Variants in NCK2 observed in about 807,000 individuals in gnomAD.
NCK2 encodes cytoplasmic protein NCK2.
Under a neutral mutation model 33.9 loss-of-function variants are expected in NCK2, and 16 were observed. The ratio of observed to expected loss-of-function variants is 0.47; its 90% confidence interval spans 0.32 to 0.72. The LOEUF (loss-of-function observed/expected upper bound fraction) is 0.72. NCK2 is among the 30% of genes least tolerant of loss of function. The pLI is 0.03. For synonymous variants in NCK2, 273 were observed against 239.9 expected, an observed-to-expected ratio of 1.14 and a Z score of -1.27; for missense variants, 418 against 537.3, an observed-to-expected ratio of 0.78 and a Z score of 2.19.
At chr2:105,801,696 G>A (rs530426890) in intron 1 of NCK2, among the ~76,000 whole-genome samples, 1 of 152,036 alleles carries the variant, frequency 6.6e-6, no homozygotes, top group African/African-American at 2.4e-5. Context: ...TCATCTCAAG[G>A]GCTGGGTGTT....
chr2:105,775,374 C>G (rs1244244446), intron 1 of NCK2, among the ~76,000 whole-genome samples: 1 of 152,150 alleles, frequency 6.6e-6, no homozygotes, highest in Non-Finnish European at 1.5e-5. Flanking sequence ...TCTGGGCTCC[C>G]TATTAGATTA....
At chr2:105,818,290 A>AGGGGGGAG (rs1274610356) in intron 2 of NCK2, among the ~76,000 whole-genome samples, 1 of 36,636 alleles carries the variant, frequency 2.7e-5, no homozygotes, top group Non-Finnish European at 4.9e-5. Context: ...GGGTGGGGGG[A>AGGGGGGAG]GGGGGGAGGG....
rs1388508064 is a variant in NCK2, at chr2:105,831,246, C to G, written c.-17+14633C>G. Among the ~76,000 whole-genome samples, 4 of 152,072 alleles carry G rather than the reference C, an allele frequency of 2.6e-5. No homozygotes were observed. The East Asian group carries it at 5.8e-4, about 22-fold the overall frequency. On this transcript the variant is annotated intron_variant, in intron 2 of 4. Coordinates refer to ENST00000233154, the MANE Select transcript of NCK2 (RefSeq NM_003581.5). ...ATTCAGTGCAATCCCTATCAAAATA[C>G]AATGATATTTTTCACAGAAATGGAA...
Position 105,840,409 on chromosome 2 carries a change from CCTACT to C in NCK2, c.-16-14626_-16-14622del, listed in dbSNP as rs775361204. ...GCAAGTGAAAAAATATGCAGTTTCT[CCTACT>C]CTACTCTACTCTCACAACACACTTC... On this transcript the variant is annotated intron_variant, in intron 2 of 4. Coordinates refer to ENST00000233154, the MANE Select transcript of NCK2 (RefSeq NM_003581.5). 3.7e-4 allele frequency among the ~76,000 whole-genome samples: 56 copies of C among 152,314 alleles called. No homozygotes were observed. In the South Asian group the frequency reaches 4.8e-3, roughly 13 times the overall value.
chr2:105,844,695 A>AC (rs1351441550), intron 2 of NCK2, among the ~76,000 whole-genome samples: 2 of 148,836 alleles, frequency 1.3e-5, no homozygotes, highest in Non-Finnish European at 3.0e-5. Flanking sequence ...AGATCGCGCC[A>AC]CTGCACTCCA....
intron 4 of NCK2, among the ~76,000 whole-genome samples, chr2:105,883,832 T>C (rs1040007753): frequency 2.0e-5 from 3 of 152,214 alleles, no homozygotes; most frequent in African/African-American, 7.2e-5. Context: ...ATGGGGGCCT[T>C]TCAGGGTTTT....
At chr2:105,810,255 A>G (rs72825166) in intron 1 of NCK2, among the ~76,000 whole-genome samples, 1 of 152,316 alleles carries the variant, frequency 6.6e-6, no homozygotes, top group Non-Finnish European at 1.5e-5. Flanking sequence ...TGTTAATAAT[A>G]GTTGTGTCTC....
chr2:105,792,454 A>G (rs192020412), intron 1 of NCK2, among the ~76,000 whole-genome samples: 10 of 152,306 alleles, frequency 6.6e-5, no homozygotes, highest in East Asian at 5.8e-4. Context: ...CGGAATTTCA[A>G]TAACAATAAC....
intron 2 of NCK2, among the ~76,000 whole-genome samples, chr2:105,840,218 C>T (rs574414071): frequency 7.0e-4 from 106 of 152,244 alleles, no homozygotes; most frequent in East Asian, 1.9e-4. Flanking sequence ...GACACAGTAG[C>T]TCCAGGGAAT....
chr2:105,820,210 A>G (rs1675671869), intron 2 of NCK2, among the ~76,000 whole-genome samples: 2 of 152,238 alleles, frequency 1.3e-5, no homozygotes, highest in South Asian at 4.1e-4. Flanking sequence ...TGGAGACTGC[A>G]GGTCATTCAG....
chr2:105,853,770 C>T (rs1483029210), intron 2 of NCK2: 1 of 152,104 alleles, frequency 6.6e-6, no homozygotes, highest in Non-Finnish European at 1.5e-5. Context: ...CATTTATAGG[C>T]AAGGAGCAAA....
chr2:105,808,494 A>G (rs1023186331), intron 1 of NCK2, among the ~76,000 whole-genome samples: 1 of 152,166 alleles, frequency 6.6e-6, no homozygotes, highest in African/African-American at 2.4e-5. Context: ...CCAAGCACAT[A>G]GTCAGTGCTG....
Position 105,781,120 on chromosome 2 carries a change from T to C in NCK2, c.-200-35310T>C, listed in dbSNP as rs541034831. ...GGGTTGGCTTTCAAAGATACAGATCTAATTGTTTTACTTCTCTTCTTATAA... is the reference window on the plus strand; with the variant it reads ...GGGTTGGCTTTCAAAGATACAGATCCAATTGTTTTACTTCTCTTCTTATAA... On this transcript the variant is annotated intron_variant, in intron 1 of 4. Coordinates refer to ENST00000233154, the MANE Select transcript of NCK2 (RefSeq NM_003581.5). Among the ~76,000 whole-genome samples, 3 of 152,374 alleles carry C rather than the reference T, an allele frequency of 2.0e-5. No individual in the cohort carries two copies. The South Asian group carries it at 6.2e-4, about 32-fold the overall frequency.
intron 2 of NCK2, among the ~76,000 whole-genome samples, chr2:105,844,747 GATAT>G (rs67123338): frequency 0.2 from 26,301 of 133,484 alleles, 2,922 homozygotes; most frequent in East Asian, 0.33. Flanking sequence ...GGCGGGGGGG[GATAT>G]ATATATATAT....
At chr2:105,811,541 GA>G (rs1382917458) in intron 1 of NCK2, among the ~76,000 whole-genome samples, 16 of 152,240 alleles carry the variant, frequency 1.1e-4, no homozygotes. Context: ...CCAGCCTGGA[GA>G]TTCAGTCCTT....
rs146623754 is a variant in NCK2, at chr2:105,764,151, A to G, written c.-201+19013A>G. On this transcript the variant is annotated intron_variant, in intron 1 of 4. Transcript: ENST00000233154. ...CTTTGCAGAGCTTTCACGTGGGTGC[A>G]TGCTGTTTGCACGCCTGTGCAATGA... Among the ~76,000 whole-genome samples the G allele has an allele frequency of 1.8e-3, 276 of 152,362 alleles. 2 individuals are homozygous for G. Among genetic ancestry groups the G allele is most frequent in the African/African-American group, 6.3e-3 (263 of 41,590 alleles).
chr2:105,796,811 C>T (rs1340688637), intron 1 of NCK2, among the ~76,000 whole-genome samples: 2 of 151,992 alleles, frequency 1.3e-5, no homozygotes, highest in Non-Finnish European at 2.9e-5. Context: ...ACATTTGATT[C>T]CATGGAAAGG....
At chr2:105,821,654 A>G (rs947269503) in intron 2 of NCK2, among the ~76,000 whole-genome samples, 2 of 152,084 alleles carry the variant, frequency 1.3e-5, no homozygotes, top group African/African-American at 2.4e-5. Context: ...GCTGTAATCT[A>G]TGGGGTCATC....
At chr2:105,767,843 T>A (rs986534713) in intron 1 of NCK2, among the ~76,000 whole-genome samples, 10 of 152,176 alleles carry the variant, frequency 6.6e-5, no homozygotes, top group Non-Finnish European at 1.2e-4. Context: ...TTGTGGGACA[T>A]ACTGGGTGGT....
Sources: gnomAD v4.1 joint callset for allele counts (sites outside exome capture counted in the v4.1 genomes callset) on GRCh38, gnomAD v4.1.1 for gene constraint, MANE v1.5 for transcripts, NCBI Gene and HGNC (gene_info 2026-07-23, HGNC 2026-07-21) for gene names.